The following PACSIN2 variants were observed in gnomAD, a reference collection of about 807,000 sequenced individuals.
PACSIN2 encodes protein kinase C and casein kinase substrate in neurons protein 2.
A neutral mutation model predicts 63.8 loss-of-function variants in PACSIN2; 25 were observed. The ratio of observed to expected loss-of-function variants is 0.39; its 90% CI spans 0.29 to 0.55. PACSIN2 has a LOEUF of 0.55. Among genes scored for constraint, PACSIN2 ranks in the 20% least tolerant of loss-of-function variants. PACSIN2 has a pLI of 0.62. For synonymous variants in PACSIN2, 255 were observed against 256.2 expected, an observed-to-expected ratio of 1.00 and a Z score of 0.05; for missense variants, 518 against 646.9, an observed-to-expected ratio of 0.80 and a Z score of 2.16.
intron 5 of PACSIN2, among the ~76,000 whole-genome samples, chr22:42,888,007 T>TC (rs1929619331): frequency 6.7e-6 from 1 of 150,216 alleles, no homozygotes; most frequent in Non-Finnish European, 1.5e-5. Flanking sequence ...CCCACCTGGC[T>TC]CCCCCAGACA....
At chr22:42,988,523 A>G (rs540883078) in intron 1 of PACSIN2, among the ~76,000 whole-genome samples, 1 of 152,374 alleles carries the variant, frequency 6.6e-6, no homozygotes, top group South Asian at 2.1e-4. Context: ...CAACCTGTAG[A>G]AGTCCAGGCT....
At chr22:42,968,703 C>A (rs1921021768) in intron 1 of PACSIN2, among the ~76,000 whole-genome samples, 2 of 152,152 alleles carry the variant, frequency 1.3e-5, no homozygotes, top group African/African-American at 4.8e-5. Flanking sequence ...ATCCAATCTG[C>A]CGGGGGCCTA....
intron 1 of PACSIN2, among the ~76,000 whole-genome samples, chr22:42,980,832 C>T (rs1396340610): frequency 2.9e-5 from 2 of 69,786 alleles, no homozygotes; most frequent in Non-Finnish European, 5.5e-5. Flanking sequence ...GATCTCGGCT[C>T]GCTACAACCA....
chr22:42,979,106 A>G (rs1439526853), intron 1 of PACSIN2, among the ~76,000 whole-genome samples: 1 of 152,234 alleles, frequency 6.6e-6, no homozygotes, highest in Non-Finnish European at 1.5e-5. Context: ...GCCTAGGAGA[A>G]ACAGCCAGCA....
intron 6 of PACSIN2, among the ~76,000 whole-genome samples, chr22:42,883,671 C>T (rs1406250930): frequency 2.6e-5 from 4 of 152,232 alleles, no homozygotes; most frequent in Non-Finnish European, 5.9e-5. Context: ...CCAGGCACGA[C>T]CAGCCCAGAA....
chr22:42,971,548 C>T (rs1389651953), intron 1 of PACSIN2, among the ~76,000 whole-genome samples: 4 of 152,148 alleles, frequency 2.6e-5, no homozygotes, highest in South Asian at 2.1e-4. Context: ...GGCAGCCCAT[C>T]GTCTGGGATG....
Position 42,874,820 on chromosome 22 carries a change from C to T in PACSIN2, c.1348+1317G>A, listed in dbSNP as rs189212638. On this transcript the variant is annotated intron_variant, in intron 10 of 10. Transcript: ENST00000263246. ...TCCAGGCACTGGCTTGGCAGCACCT[C>T]ACTATTTCTGAGTCTTGGCATTGGG... 6.8e-3 allele frequency among the ~76,000 whole-genome samples: 1,028 copies of T among 151,322 alleles called. 15 individuals are homozygous for T. The highest frequency in any genetic ancestry group is 0.024 in the African/African-American group (990 of 41,212).
intron 4 of PACSIN2, among the ~76,000 whole-genome samples, chr22:42,889,762 C>G (rs1311083951): frequency 2.6e-5 from 4 of 152,076 alleles, no homozygotes; most frequent in Admixed American, 1.3e-4. Context: ...CTGGGGTGGA[C>G]AGATGACAGC....
chr22:42,879,653 G>C (rs984203777), intron 7 of PACSIN2, among the ~76,000 whole-genome samples: 1 of 152,200 alleles, frequency 6.6e-6, no homozygotes, highest in African/African-American at 2.4e-5. Context: ...AAGATCCTTT[G>C]CGTCGATGCC....
In PACSIN2 at chr22:42,889,373, TAC is replaced by T. The variant is rs58408551; in HGVS notation, c.454-577_454-576del. ...CATTTCCTCTGGTTTTAATGGTTTT[TAC>T]ACACACACACACACACACACACACT... On this transcript the variant is annotated intron_variant, in intron 4 of 10. Coordinates refer to ENST00000263246, the MANE Select transcript of PACSIN2 (RefSeq NM_001184970.3). 1.6e-4 allele frequency among the ~76,000 whole-genome samples: 19 copies of T among 122,548 alleles called. No homozygotes were observed. The East Asian group carries it at 1.6e-3, about 10-fold the overall frequency. 80.4% of individuals were successfully genotyped at this position (122,548 alleles called of 152,430 possible). A position where few individuals can be genotyped will look rare whatever the true frequency, so the allele number is the denominator to read the frequency against.
At chr22:42,980,516 A>G (rs1399890983) in intron 1 of PACSIN2, among the ~76,000 whole-genome samples, 1 of 60,178 alleles carries the variant, frequency 1.7e-5, no homozygotes, top group African/African-American at 6.6e-5. Context: ...CTCTCCCTCC[A>G]CGGTCTCCCT....
intron 1 of PACSIN2, among the ~76,000 whole-genome samples, chr22:42,927,929 A>C (rs1932643408): frequency 6.6e-6 from 1 of 152,074 alleles, no homozygotes; most frequent in Non-Finnish European, 1.5e-5. Flanking sequence ...TCATGGTCCC[A>C]TACTCCACTG....
chr22:42,931,116 G>A (rs983935192), intron 1 of PACSIN2, among the ~76,000 whole-genome samples: 4 of 152,250 alleles, frequency 2.6e-5, no homozygotes, highest in African/African-American at 9.6e-5. Flanking sequence ...AACAGCTCAA[G>A]GTGTTGAGGG....
intron 1 of PACSIN2, among the ~76,000 whole-genome samples, chr22:42,998,402 G>A (rs1923554207): frequency 6.6e-6 from 1 of 152,130 alleles, no homozygotes; most frequent in Non-Finnish European, 1.5e-5. Flanking sequence ...AACATGCCCT[G>A]ACGCATGACT....
intron 2 of PACSIN2, among the ~76,000 whole-genome samples, chr22:42,902,679 T>C (rs1480989805): frequency 6.6e-6 from 1 of 152,174 alleles, no homozygotes; most frequent in Non-Finnish European, 1.5e-5. Flanking sequence ...AGTGGCATGA[T>C]CTCGGCTCAC....
intron 1 of PACSIN2, among the ~76,000 whole-genome samples, chr22:42,951,357 A>C (rs1347315003): frequency 6.6e-6 from 1 of 152,034 alleles, no homozygotes; most frequent in Non-Finnish European, 1.5e-5. Flanking sequence ...CCCAGGGCTC[A>C]GCCTCCTCTT....
At chr22:42,911,927 C>T (rs1931485445) in intron 2 of PACSIN2, 94 bp downstream of exon 2, 1 of 853,752 alleles carries the variant, frequency 1.2e-6, no homozygotes, top group Non-Finnish European at 1.9e-6. Flanking sequence ...GGTATGTTCA[C>T]CTCAGTTCCC....
chr22:42,954,944 C>G (rs970232698), intron 1 of PACSIN2, among the ~76,000 whole-genome samples: 1 of 152,154 alleles, frequency 6.6e-6, no homozygotes, highest in Non-Finnish European at 1.5e-5. Context: ...AAACGGCACT[C>G]CAGCCACAAC....
At chr22:42,955,000 A>G (rs1933853304) in intron 1 of PACSIN2, among the ~76,000 whole-genome samples, 1 of 152,144 alleles carries the variant, frequency 6.6e-6, no homozygotes, top group African/African-American at 2.4e-5. Flanking sequence ...CTTTGCATAT[A>G]TTGCTCCCGC....
Sources: gnomAD v4.1 joint callset for allele counts (sites outside exome capture counted in the v4.1 genomes callset) on GRCh38, gnomAD v4.1.1 for gene constraint, MANE v1.5 for transcripts, NCBI Gene and HGNC (gene_info 2026-07-23, HGNC 2026-07-21) for gene names.